The following MALSU1 variants were observed in gnomAD, a reference collection of about 807,000 sequenced individuals.
MALSU1 encodes the protein mitochondrial assembly of ribosomal large subunit protein 1.
A neutral mutation model predicts 22.1 loss-of-function variants in MALSU1; 22 were observed. The ratio of observed to expected loss-of-function variants is 1.00; its 90% CI spans 0.71 to 1.42. The LOEUF (loss-of-function observed/expected upper bound fraction) is 1.42. Among genes scored for constraint, MALSU1 ranks in the 40% most tolerant of loss-of-function variants. The pLI is 0.00. For synonymous variants in MALSU1, 153 were observed against 118.5 expected (o/e 1.29, Z -1.89); for missense variants, 379 against 308.3 (o/e 1.23, Z -1.72).
intron 1 of MALSU1, among the ~76,000 whole-genome samples, chr7:23,299,989 A>T (rs1002747443): frequency 2.0e-5 from 3 of 152,164 alleles, no homozygotes; most frequent in African/African-American, 7.2e-5. Flanking sequence ...AGGAAGCGCC[A>T]GTAGGAGATG....
At chr7:23,303,132 C>T (rs1032822123) in intron 2 of MALSU1, among the ~76,000 whole-genome samples, 1 of 152,204 alleles carries the variant, frequency 6.6e-6, no homozygotes, top group Non-Finnish European at 1.5e-5. Context: ...ATCATTACCA[C>T]CATCCGTCTC....
rs577062055 is a variant in MALSU1 at position 23,302,852 on chromosome 7, C to T, written c.435+1835C>T. On this transcript the variant is annotated intron_variant, in intron 2 of 3. Transcript: ENST00000466681. Reference sequence around the variant, plus strand: ...AGTGCAGTGGCTCGATCTCAGCTCACTGCAGTCTCCGCCTCCCGAGTTCAA... The same window carrying T: ...AGTGCAGTGGCTCGATCTCAGCTCATTGCAGTCTCCGCCTCCCGAGTTCAA... Among the ~76,000 whole-genome samples the T allele has an allele frequency of 4.1e-3, 623 of 152,330 alleles. 2 individuals are homozygous for T. Among genetic ancestry groups the T allele is most frequent in the Non-Finnish European group, 7.5e-3 (513 of 68,032 alleles).
rs914152081 is a variant in MALSU1 at position 23,299,431 on chromosome 7, G to A, written c.79G>A (p.Ala27Thr). ...RRAVSSVAGS[A>T]VGAEPGLRLL... is the part of the protein sequence containing the mutation. ...GGCGGTTTCCTCGGTGGCGGGGTCCGCGGTTGGAGCCGAGCCCGGGCTTCG... is the reference window on the plus strand; with the variant it reads ...GGCGGTTTCCTCGGTGGCGGGGTCCACGGTTGGAGCCGAGCCCGGGCTTCG... Residue 27 changes from alanine to threonine, a missense_variant, in exon 1 of 4, where the codon GCG (alanine) becomes ACG (threonine). Transcript: ENST00000466681. The A allele has an allele frequency of 6.2e-7, 1 of 1,603,714 alleles. No individual in the cohort carries two copies. Among genetic ancestry groups the A allele is most frequent in the South Asian group, 1.1e-5 (1 of 90,752 alleles).
At chr7:23,301,038 T>C in intron 2 of MALSU1, 21 bp downstream of exon 2, 2 of 1,599,512 alleles carry the variant, frequency 1.3e-6, no homozygotes, top group Non-Finnish European at 1.7e-6. Flanking sequence ...TTCTTTTCTC[T>C]TTTGGACCAT....
intron 2 of MALSU1, among the ~76,000 whole-genome samples, chr7:23,305,253 C>T (rs1042631152): frequency 6.6e-6 from 1 of 152,108 alleles, no homozygotes; most frequent in Non-Finnish European, 1.5e-5. Context: ...TCAGTCTGTG[C>T]GTCTGTCTTT....
chr7:23,301,982 A>G (rs2128488939), intron 2 of MALSU1, among the ~76,000 whole-genome samples: 1 of 152,072 alleles, frequency 6.6e-6, no homozygotes, highest in East Asian at 1.9e-4. Flanking sequence ...AAAAAAAAAA[A>G]GATATAAATT....
chr7:23,305,942 C>A (rs896831414), intron 2 of MALSU1, among the ~76,000 whole-genome samples: 1 of 152,280 alleles, frequency 6.6e-6, no homozygotes, highest in East Asian at 1.9e-4. Context: ...TGTCTGTAAT[C>A]CTAGCACTTT....
intron 3 of MALSU1, among the ~76,000 whole-genome samples, chr7:23,308,647 A>G (rs1302723227): frequency 6.6e-6 from 1 of 152,220 alleles, no homozygotes; most frequent in Non-Finnish European, 1.5e-5. Context: ...TCTGGATTCC[A>G]TAGGGCAACA....
Position 23,310,957 on chromosome 7 carries a change from A to C in MALSU1, c.*1414A>C, listed in dbSNP as rs886071388. On this transcript the variant is annotated 3_prime_UTR_variant, in exon 4 of 4. Transcript: ENST00000466681. ...GGGCTTTGCTGTCAAGGAGTGAGCAAATGAGTTCGTTATCAAAGGTCATAT... is the reference window on the plus strand; with the variant it reads ...GGGCTTTGCTGTCAAGGAGTGAGCACATGAGTTCGTTATCAAAGGTCATAT... The C allele has an allele frequency of 3.0e-4, 46 of 152,174 alleles. No individual in the cohort carries two copies. The highest frequency in any genetic ancestry group is 1.1e-3 in the African/African-American group (46 of 41,438). 9.4% of individuals were successfully genotyped at this position (152,174 alleles called of 1,614,324 possible).
At chr7:23,306,199 C>T (rs1283682554) in intron 2 of MALSU1, among the ~76,000 whole-genome samples, 1 of 150,606 alleles carries the variant, frequency 6.6e-6, no homozygotes, top group Admixed American at 6.6e-5. Flanking sequence ...AAAACAAGAA[C>T]GTCTCAATTA....
At chr7:23,300,571 A>G (rs1343918868) in intron 1 of MALSU1, among the ~76,000 whole-genome samples, 9 of 152,168 alleles carry the variant, frequency 5.9e-5, no homozygotes, top group Non-Finnish European at 1.2e-4. Context: ...GTCATTTGTC[A>G]CTGGTGTCTG....
chr7:23,304,336 A>G (rs1460400609), intron 2 of MALSU1, among the ~76,000 whole-genome samples: 1 of 152,128 alleles, frequency 6.6e-6, no homozygotes, highest in Non-Finnish European at 1.5e-5. Context: ...TCACATCCTC[A>G]TCAACAACTT....
intron 2 of MALSU1, among the ~76,000 whole-genome samples, chr7:23,302,589 G>T (rs182679947): frequency 2.0e-5 from 3 of 152,254 alleles, no homozygotes; most frequent in Admixed American, 6.5e-5. Context: ...TGTAATAGTG[G>T]GATGGAGTCA....
rs138011242 is a variant in MALSU1, at chr7:23,309,954, G to GTGAT, written c.*412_*415dup. On this transcript the variant is annotated 3_prime_UTR_variant, in exon 4 of 4. Coordinates refer to ENST00000466681, the MANE Select transcript of MALSU1 (RefSeq NM_138446.2). ...ACTGGTCTTATTTTTATACTTTGAG[G>GTGAT]TGATAATATTCTTCTAGGAGGACTT... 0.028 allele frequency: 4,323 copies of GTGAT among 152,552 alleles called. 189 individuals carry two copies. Among genetic ancestry groups the GTGAT allele is most frequent in the African/African-American group, 0.093 (3,867 of 41,432 alleles). 9.4% of individuals were successfully genotyped at this position (152,552 alleles called of 1,614,324 possible). A position where few individuals can be genotyped will look rare whatever the true frequency, so the allele number is the denominator to read the frequency against.
At chr7:23,299,735 G>C (rs774979210) in intron 1 of MALSU1, 127 bp downstream of exon 1, 7 of 1,118,530 alleles carry the variant, frequency 6.3e-6, no homozygotes, top group Non-Finnish European at 7.4e-6. Context: ...TGCACATCCA[G>C]AGCTGGAAGG....
At chr7:23,304,895 C>T (rs1562656957) in intron 2 of MALSU1, among the ~76,000 whole-genome samples, 1 of 151,994 alleles carries the variant, frequency 6.6e-6, no homozygotes, top group African/African-American at 2.4e-5. Context: ...CCTTTTTACT[C>T]TTTAGAGTGT....
At chr7:23,307,990 T>C in intron 3 of MALSU1, 41 bp downstream of exon 3, 1 of 1,333,652 alleles carries the variant, frequency 7.5e-7, no homozygotes, top group Non-Finnish European at 1.1e-6. Context: ...CTGTTGGTAC[T>C]ACGCTAATCT....
At chr7:23,301,967 C>CAAA (rs754165826) in intron 2 of MALSU1, among the ~76,000 whole-genome samples, 2 of 97,826 alleles carry the variant, frequency 2.0e-5, no homozygotes, top group African/African-American at 7.0e-5. Context: ...GACTCTGTCT[C>CAAA]AAAAAAAAAA....
chr7:23,303,387 C>T (rs746557984), intron 2 of MALSU1, among the ~76,000 whole-genome samples: 2 of 152,206 alleles, frequency 1.3e-5, no homozygotes, highest in African/African-American at 4.8e-5. Context: ...CTGAATAATA[C>T]TCTATCTTAC....
Sources: allele counts gnomAD v4.1 joint callset (sites outside exome capture counted in the v4.1 genomes callset), GRCh38; gene constraint gnomAD v4.1.1; transcripts MANE v1.5; gene names NCBI Gene and HGNC (gene_info 2026-07-23, HGNC 2026-07-21).